GALNT17: variants seen among roughly 807,000 people sequenced by gnomAD.
The protein encoded by GALNT17 is polypeptide N-acetylgalactosaminyltransferase 17.
In GALNT17, 29 loss-of-function variants were observed where a neutral mutation model predicts 63.7. That is an observed-to-expected ratio of 0.46 (90% CI 0.34 to 0.62). The LOEUF (loss-of-function observed/expected upper bound fraction) is 0.62, where lower values mean the gene tolerates loss of function less well. Among genes scored for constraint, GALNT17 ranks in the 20% least tolerant of loss-of-function variants. The probability of loss-of-function intolerance (pLI) is 0.01; values close to 1 mark genes in which losing one functional copy is unlikely to be tolerated. For missense variants in GALNT17, 603 were observed against 799.6 expected (o/e 0.75, Z 2.97); for synonymous variants, 305 against 318.3 (o/e 0.96, Z 0.45).
chr7:71,219,595 C>G (rs758165638), intron 1 of GALNT17, among the ~76,000 whole-genome samples: 3 of 151,962 alleles, frequency 2.0e-5, no homozygotes, highest in Non-Finnish European at 4.4e-5. Flanking sequence ...TTTCCAAGAG[C>G]CTTTCTTATT....
At chr7:71,599,153 G>T (rs150333051) in intron 6 of GALNT17, among the ~76,000 whole-genome samples, 2 of 152,022 alleles carry the variant, frequency 1.3e-5, no homozygotes, top group African/African-American at 4.8e-5. Context: ...ATGAGTCTTG[G>T]GAACTTTATC....
chr7:71,279,894 T>C (rs1244946387), intron 1 of GALNT17, among the ~76,000 whole-genome samples: 2 of 151,868 alleles, frequency 1.3e-5, no homozygotes, highest in Non-Finnish European at 2.9e-5. Context: ...GGTGTCTTCA[T>C]TGGGGGTTAT....
Position 71,712,220 on chromosome 7 carries a change from C to A in GALNT17, c.*74C>A. 6.4e-7 allele frequency: 1 copy of A among 1,559,334 alleles called. No homozygotes were observed. Among genetic ancestry groups the A allele is most frequent in the South Asian group, 1.2e-5 (1 of 84,288 alleles). On this transcript the variant is annotated 3_prime_UTR_variant, in exon 11 of 11. Coordinates refer to ENST00000333538, the MANE Select transcript of GALNT17 (RefSeq NM_022479.3). The stretch of plus-strand genomic sequence containing the variant: ...CCCCCCAACATCTGGACCAGCTGCC[C>A]TGGCGGAGAGACAGCAAGGGGCCGG...
At chr7:71,243,784 G>A (rs57457761) in intron 1 of GALNT17, among the ~76,000 whole-genome samples, 2,422 of 152,102 alleles carry the variant, frequency 0.016, 74 homozygotes, top group African/African-American at 0.056. Context: ...GATAGTATGA[G>A]GAATGAGAAA....
At chr7:71,691,494 A>G (rs912574248) in intron 9 of GALNT17, among the ~76,000 whole-genome samples, 2 of 152,152 alleles carry the variant, frequency 1.3e-5, no homozygotes, top group African/African-American at 4.8e-5. Context: ...ATATGCCTGT[A>G]TTTGATTTTG....
chr7:71,383,470 G>T (rs1792882440), intron 2 of GALNT17, among the ~76,000 whole-genome samples: 1 of 152,062 alleles, frequency 6.6e-6, no homozygotes, highest in Admixed American at 6.6e-5. Flanking sequence ...ACTGAGTCTT[G>T]CTCTGTCGCC....
intron 5 of GALNT17, among the ~76,000 whole-genome samples, chr7:71,468,573 T>C (rs752814855): frequency 1.3e-5 from 2 of 152,008 alleles, no homozygotes; most frequent in African/African-American, 4.8e-5. Flanking sequence ...CCCACCACCA[T>C]GCCTGGCTAA....
intron 8 of GALNT17, 29 bp from the exon 9 acceptor site, chr7:71,677,182 C>T (rs755205860): frequency 1.2e-5 from 20 of 1,611,920 alleles, no homozygotes; most frequent in East Asian, 8.9e-5. Flanking sequence ...GCTGAGCTCT[C>T]ATGGGTCGTG....
intron 6 of GALNT17, among the ~76,000 whole-genome samples, chr7:71,645,012 A>G (rs886583161): frequency 8.5e-5 from 13 of 152,134 alleles, no homozygotes; most frequent in African/African-American, 1.7e-4. Flanking sequence ...GTGGGAAAAA[A>G]GAGGATGGAG....
At chr7:71,167,545 GTCT>G in intron 1 of GALNT17, among the ~76,000 whole-genome samples, 1 of 152,180 alleles carries the variant, frequency 6.6e-6, no homozygotes, top group East Asian at 1.9e-4. Context: ...TGTGTGCCTT[GTCT>G]TCTTATTCTC....
intron 5 of GALNT17, among the ~76,000 whole-genome samples, chr7:71,451,666 T>G (rs1787265073): frequency 1.3e-5 from 2 of 152,136 alleles, no homozygotes; most frequent in Admixed American, 1.3e-4. Context: ...TCTTGCTTAA[T>G]AGCAAAAGCA....
In GALNT17 at chr7:71,514,275, G is replaced by A. The variant is rs375518365; in HGVS notation, c.963-57010G>A. 1.8e-4 allele frequency among the ~76,000 whole-genome samples: 28 copies of A among 152,254 alleles called. No individual in the cohort carries two copies. The South Asian group carries it at 2.7e-3, about 15-fold the overall frequency. ...AGAGGCATTATGGGAGCACACTGGC[G>A]CAGCTGGGAACGATCAAGGATGGCA... is the stretch of plus-strand genomic sequence containing the variant. On this transcript the variant is annotated intron_variant, in intron 5 of 10. Transcript: ENST00000333538.
At chr7:71,583,615 G>C (rs958170321) in intron 6 of GALNT17, among the ~76,000 whole-genome samples, 2 of 152,132 alleles carry the variant, frequency 1.3e-5, no homozygotes, top group African/African-American at 2.4e-5. Context: ...CCTGGCATTA[G>C]ATAGCAGGGC....
intron 3 of GALNT17, among the ~76,000 whole-genome samples, chr7:71,390,216 G>T (rs568702499): frequency 1.3e-5 from 2 of 152,130 alleles, no homozygotes; most frequent in Admixed American, 6.5e-5. Flanking sequence ...CTGCTCCGTC[G>T]TCCGGAAGAT....
chr7:71,489,603 AG>A (rs1490550341), intron 5 of GALNT17, among the ~76,000 whole-genome samples: 1 of 152,212 alleles, frequency 6.6e-6, no homozygotes, highest in African/African-American at 2.4e-5. Flanking sequence ...CAGAAGGGAG[AG>A]CCCCAGGCTC....
chr7:71,319,648 C>T (rs1312341107), intron 1 of GALNT17, among the ~76,000 whole-genome samples: 2 of 152,292 alleles, frequency 1.3e-5, no homozygotes, highest in East Asian at 3.9e-4. Flanking sequence ...ATGTCCCAAC[C>T]AAACTCTTGA....
At chr7:71,493,276 T>C (rs1389914141) in intron 5 of GALNT17, among the ~76,000 whole-genome samples, 1 of 152,188 alleles carries the variant, frequency 6.6e-6, no homozygotes, top group Non-Finnish European at 1.5e-5. Context: ...ATCTGTGATG[T>C]TGCCCCAGTT....
intron 6 of GALNT17, among the ~76,000 whole-genome samples, chr7:71,610,051 T>C (rs923418711): frequency 6.6e-6 from 1 of 152,128 alleles, no homozygotes; most frequent in African/African-American, 2.4e-5. Context: ...CAAAAATTGA[T>C]CTACTAAGCT....
chr7:71,364,134 T>C (rs1445567937), intron 2 of GALNT17, among the ~76,000 whole-genome samples: 1 of 152,182 alleles, frequency 6.6e-6, no homozygotes, highest in African/African-American at 2.4e-5. Flanking sequence ...ACCCTATTTG[T>C]AGCCTTTTAT....
Sources: allele counts gnomAD v4.1 joint callset (sites outside exome capture counted in the v4.1 genomes callset), GRCh38; gene constraint gnomAD v4.1.1; transcripts MANE v1.5; gene names NCBI Gene and HGNC (gene_info 2026-07-23, HGNC 2026-07-21).